Variants in HSP90AB1 observed in about 807,000 individuals in gnomAD.
HSP90AB1 encodes heat shock protein 90 alpha family class B member 1.
A neutral mutation model predicts 67.8 loss-of-function variants in HSP90AB1; 17 were observed. The ratio of observed to expected loss-of-function variants is 0.25; its 90% CI spans 0.17 to 0.38. The LOEUF (loss-of-function observed/expected upper bound fraction) is 0.38. Ranked by LOEUF, HSP90AB1 falls within the 10% of genes least tolerant of loss-of-function variation. HSP90AB1 has a pLI of 1.00. For missense variants in HSP90AB1, 690 were observed against 899.9 expected, an observed-to-expected ratio of 0.77 and a Z score of 2.98; for synonymous variants, 390 against 312.9, an observed-to-expected ratio of 1.25 and a Z score of -2.60.
chr6:44,249,614 T>A (rs375952776), intron 3 of HSP90AB1, 31 bp downstream of exon 3: 1 of 1,611,372 alleles, frequency 6.2e-7, no homozygotes, highest in Admixed American at 1.7e-5. Context: ...TTCATACTTA[T>A]CTGTGTTCTT....
chr6:44,246,476 G>GCCGCCGCGCCTT (rs771246549), upstream of HSP90AB1: 37 of 153,232 alleles, frequency 2.4e-4, no homozygotes, highest in African/African-American at 7.3e-4. Context: ...CCGCAGTGCC[G>GCCGCCGCGCCTT]CCGCCGCGCC....
Position 44,253,644 on chromosome 6 carries a change from C to T in HSP90AB1, c.*46C>T. The T allele has an allele frequency of 7.1e-7, 1 of 1,405,264 alleles. No homozygotes were observed. The highest frequency in any genetic ancestry group is 1.0e-6 in the Non-Finnish European group (1 of 989,762). The allele number at this position is 1,405,264 out of a possible 1,614,324, so 87.0% of individuals were successfully genotyped here. A position where few individuals can be genotyped will look rare whatever the true frequency, so the allele number is the denominator to read the frequency against. On this transcript the variant is annotated 3_prime_UTR_variant, in exon 12 of 12. Transcript: ENST00000371646. ...AAACTTGTGCCCTTGTATAGTGTCC[C>T]CATGGGCTCCCACTGCAGCCTCGAG...
intron 1 of HSP90AB1, 138 bp from the exon 2 acceptor site, chr6:44,248,481 GAATGCATTTTT>G: frequency 1.7e-6 from 1 of 597,974 alleles, no homozygotes; most frequent in Non-Finnish European, 2.8e-6. Flanking sequence ...ATCTTTAAGA[GAATGCATTTTT>G]AGTCTTGGGA....
At position 44,253,299 on chromosome 6, in the gene HSP90AB1, C is replaced by T. The variant is rs1582991051; in HGVS notation, c.1986C>T (p.Ala662=). ...KDLVVLLFET[A]LLSSGFSLED... ...TGGTGGTGCTGCTGTTTGAAACCGC[C>T]CTGCTATCTTCTGGCTTTTCCCTTG... The change falls in exon 11 of 12, where the codon GCC becomes GCT. Residue 662 remains alanine (A), a synonymous_variant. Coordinates refer to ENST00000371646, the MANE Select transcript of HSP90AB1 (RefSeq NM_007355.4). 6.2e-7 allele frequency: 1 copy of T among 1,614,204 alleles called. No individual in the cohort carries two copies. The highest frequency in any genetic ancestry group is 8.5e-7 in the Non-Finnish European group (1 of 1,180,038).
rs1238265407 is a variant in HSP90AB1, at chr6:44,251,464, C to T, written c.1170C>T (p.Ile390=). The change falls in exon 8 of 12, where the codon ATC becomes ATT. Residue 390 remains isoleucine, a synonymous_variant. Coordinates refer to ENST00000371646, the MANE Select transcript of HSP90AB1 (RefSeq NM_007355.4). ...ACTCTGAGGATCTGCCCCTGAACAT[C>T]TCCCGAGAAATGCTCCAGCAGAGCA... ...VVDSEDLPLN[I]SREMLQQSKI... 30 of 1,609,952 alleles carry T rather than the reference C, an allele frequency of 1.9e-5. No individual in the cohort carries two copies. The highest frequency in any genetic ancestry group is 2.4e-5 in the Non-Finnish European group (28 of 1,177,370).
Position 44,249,532 on chromosome 6 carries a change from T to C in HSP90AB1, c.303T>C (p.Asn101=), listed in dbSNP as rs1582982891. 6.2e-7 allele frequency: 1 copy of C among 1,614,160 alleles called. No individual in the cohort carries two copies. The part of the protein sequence containing the change: ...IGMTKADLIN[N]LGTIAKSGTK... ...TGACCAAAGCTGATCTCATAAATAA[T>C]TTGGGAACCATTGCCAAGTCTGGTA... The change falls in exon 3 of 12, where the codon AAT becomes AAC. Residue 101 remains asparagine (N), a synonymous_variant. Transcript: ENST00000371646.
Position 44,249,578 on chromosome 6 carries a change from C to T in HSP90AB1, c.349C>T (p.Leu117Phe), listed in dbSNP as rs1446547766. The T allele has an allele frequency of 5.0e-6, 8 of 1,613,728 alleles. No homozygotes were observed. Among genetic ancestry groups the T allele is most frequent in the African/African-American group, 1.3e-5 (1 of 74,922 alleles). Residue 117 changes from leucine to phenylalanine, a missense_variant, in exon 3 of 12, where the codon CTT (leucine) becomes TTT (phenylalanine). Leu to Phe is a conservative substitution (Grantham distance 22). Coordinates refer to ENST00000371646, the MANE Select transcript of HSP90AB1 (RefSeq NM_007355.4). Reference sequence around the variant, plus strand: ...TGGTACTAAAGCATTCATGGAGGCTCTTCAGGTATTGCAGTTCTGTAGGCA... The same window carrying T: ...TGGTACTAAAGCATTCATGGAGGCTTTTCAGGTATTGCAGTTCTGTAGGCA... The part of the protein sequence containing the change: ...KSGTKAFMEA[L>F]QAGADISMIG...
Position 44,248,668 on chromosome 6 carries a change from G to A in HSP90AB1, c.39G>A (p.Glu13=), listed in dbSNP as rs1044442577. 1.2e-5 allele frequency: 20 copies of A among 1,613,844 alleles called. No individual in the cohort carries two copies. The highest frequency in any genetic ancestry group is 1.7e-5 in the Admixed American group (1 of 59,950). Residue 13 remains glutamate (E), a synonymous_variant, in exon 2 of 12, where the codon GAG becomes GAA. Coordinates refer to ENST00000371646, the MANE Select transcript of HSP90AB1 (RefSeq NM_007355.4). ...EEVHHGEEEV[E]TFAFQAEIAQ... ...TGCACCATGGAGAGGAGGAGGTGGA[G>A]ACTTTTGCCTTTCAGGCAGAAATTG...
At chr6:44,252,666 TTTTG>T (rs1780832581) in intron 10 of HSP90AB1, among the ~76,000 whole-genome samples, 1 of 152,094 alleles carries the variant, frequency 6.6e-6, no homozygotes, top group Non-Finnish European at 1.5e-5. Context: ...CCGGCTAATT[TTTTG>T]TATTTTTAGT....
At position 44,253,710 on chromosome 6, in the gene HSP90AB1, T is replaced by G. The variant is rs752409983; in HGVS notation, c.*112T>G. 1.2e-6 allele frequency: 1 copy of G among 823,722 alleles called. No homozygotes were observed. Among genetic ancestry groups the G allele is most frequent in the Non-Finnish European group, 2.2e-6 (1 of 458,272 alleles). 51.0% of individuals were successfully genotyped at this position (823,722 alleles called of 1,614,324 possible). A position where few individuals can be genotyped will look rare whatever the true frequency, so the allele number is the denominator to read the frequency against. ...TGGCTCCCCCTGCTGGTGTCTAGTGTTTTTTTCCCTCTCCTGTCCTTGTGT... is the reference window on the plus strand; with the variant it reads ...TGGCTCCCCCTGCTGGTGTCTAGTGGTTTTTTCCCTCTCCTGTCCTTGTGT... On this transcript the variant is annotated 3_prime_UTR_variant, in exon 12 of 12. Coordinates refer to ENST00000371646, the MANE Select transcript of HSP90AB1 (RefSeq NM_007355.4).
At chr6:44,250,721 A>G (rs1034648024) in intron 6 of HSP90AB1, 122 bp downstream of exon 6, 2 of 660,928 alleles carry the variant, frequency 3.0e-6, no homozygotes, top group Admixed American at 5.6e-5. Flanking sequence ...TGTGATAGCC[A>G]TGTGATTTCA....
At chr6:44,252,321 C>T in intron 10 of HSP90AB1, 54 bp downstream of exon 10, 3 of 1,529,870 alleles carry the variant, frequency 2.0e-6, no homozygotes, top group East Asian at 2.3e-5. Context: ...GGTGGGCTCC[C>T]TCACAAGCAT....
Position 44,253,709 on chromosome 6 carries a change from GT to G in HSP90AB1, c.*118del, listed in dbSNP as rs552590291. 1.2e-5 allele frequency: 10 copies of G among 832,768 alleles called. No individual in the cohort carries two copies. In the Middle Eastern group the frequency reaches 1.1e-3, roughly 91 times the overall value. 51.6% of individuals were successfully genotyped at this position (832,768 alleles called of 1,614,324 possible). On this transcript the variant is annotated 3_prime_UTR_variant, in exon 12 of 12. Transcript: ENST00000371646. Reference sequence around the variant, plus strand: ...CTGGCTCCCCCTGCTGGTGTCTAGTGTTTTTTTCCCTCTCCTGTCCTTGTGT... The same window carrying G: ...CTGGCTCCCCCTGCTGGTGTCTAGTGTTTTTTCCCTCTCCTGTCCTTGTGT...
rs2153321129 is a variant in HSP90AB1 at position 44,251,717 on chromosome 6, T to C, written c.1315-20T>C. 6.2e-7 allele frequency: 1 copy of C among 1,608,402 alleles called. No homozygotes were observed. Among genetic ancestry groups the C allele is most frequent in the East Asian group, 2.2e-5 (1 of 44,790 alleles). On this transcript the variant is annotated intron_variant, in intron 8 of 11. Coordinates refer to ENST00000371646, the MANE Select transcript of HSP90AB1 (RefSeq NM_007355.4). ...TATTGTAGTTAAGCTGGATTGTTTT[T>C]CCTCTTCCCACCCTTCAAGCTTGGA...
Position 44,253,157 on chromosome 6 carries a change from C to G in HSP90AB1, c.1844C>G (p.Ser615Cys). The G allele has an allele frequency of 1.2e-6, 2 of 1,614,192 alleles. No homozygotes were observed. The highest frequency in any genetic ancestry group is 1.7e-6 in the Non-Finnish European group (2 of 1,180,018). The stretch of plus-strand genomic sequence containing the variant: ...AAAGCCCAGGCACTTCGGGACAACT[C>G]CACCATGGGCTATATGATGGCCAAA... The part of the protein sequence containing the change: ...IMKAQALRDN[S>C]TMGYMMAKKH... Residue 615 changes from serine (S) to cysteine (C), a missense_variant, in exon 11 of 12, where the codon TCC becomes TGC. Physicochemically the swap from Ser to Cys is moderately radical, Grantham distance 112. Coordinates refer to ENST00000371646, the MANE Select transcript of HSP90AB1 (RefSeq NM_007355.4).
chr6:44,248,841 G>A, intron 2 of HSP90AB1, 65 bp downstream of exon 2: 2 of 1,478,206 alleles, frequency 1.4e-6, no homozygotes, highest in South Asian at 1.2e-5. Context: ...GGAGGGGAAA[G>A]GAGTGGTTTG....
Position 44,251,539 on chromosome 6 carries a change from C to G in HSP90AB1, c.1245C>G (p.Leu415=). The G allele has an allele frequency of 1.9e-6, 3 of 1,611,790 alleles. No individual in the cohort carries two copies. The highest frequency in any genetic ancestry group is 1.1e-5 in the South Asian group (1 of 90,864). ...ACATTGTTAAGAAGTGCCTTGAGCT[C>G]TTCTCTGAGCTGGCAGAAGACAAGG... ...RKNIVKKCLE[L]FSELAEDKEN... The change falls in exon 8 of 12, where the codon CTC becomes CTG. Residue 415 remains leucine (L), a synonymous_variant. Transcript: ENST00000371646.
Position 44,252,270 on chromosome 6 carries a change from A to T in HSP90AB1, c.1731+3A>T, listed in dbSNP as rs544998027. On this transcript the variant is annotated splice_donor_region_variant and intron_variant, in intron 10 of 11. Coordinates refer to ENST00000371646, the MANE Select transcript of HSP90AB1 (RefSeq NM_007355.4). ...TCTTAGATAAGAAGGTTGAGAAGGT[A>T]AGCCATTCTGGGGCTAGGATATATT... The T allele has an allele frequency of 1.1e-4, 170 of 1,612,836 alleles. 1 individual carries two copies. The South Asian group carries it at 1.3e-3, about 12-fold the overall frequency.
intron 2 of HSP90AB1, among the ~76,000 whole-genome samples, chr6:44,248,996 T>C (rs1280669238): frequency 6.6e-6 from 1 of 152,122 alleles, no homozygotes; most frequent in Non-Finnish European, 1.5e-5. Flanking sequence ...AGCCTCAAGA[T>C]AGGGGGCAAT....
Sources: gnomAD v4.1 joint callset for allele counts (sites outside exome capture counted in the v4.1 genomes callset) on GRCh38, gnomAD v4.1.1 for gene constraint, MANE v1.5 for transcripts, NCBI Gene and HGNC (gene_info 2026-07-23, HGNC 2026-07-21) for gene names.